Variants in EREG observed in about 807,000 individuals in gnomAD.
EREG encodes proepiregulin.
In EREG, 23 loss-of-function variants were observed where a neutral mutation model predicts 22.4. That is an observed-to-expected ratio of 1.03 (90% confidence interval 0.74 to 1.46). The LOEUF (loss-of-function observed/expected upper bound fraction) is 1.46. EREG is among the 40% of genes most tolerant of loss of function. The pLI, the probability that EREG is intolerant of heterozygous loss-of-function variation, is 0.00. For missense variants in EREG, 226 were observed against 205.9 expected (o/e 1.10, Z -0.60); for synonymous variants, 100 against 75.4 (o/e 1.33, Z -1.69).
intron 1 of EREG, among the ~76,000 whole-genome samples, chr4:74,368,415 T>A (rs1752226912): frequency 6.6e-6 from 1 of 152,200 alleles, no homozygotes; most frequent in African/African-American, 2.4e-5. Flanking sequence ...AGTAAAGCAA[T>A]AAAGAGGGTA....
Position 74,379,517 on chromosome 4 carries a change from A to T in EREG, c.137A>T (p.Asp46Val), listed in dbSNP as rs1752439640. Reference sequence around the variant, plus strand: ...TCATGTATCCCAGGAGAGTCCAGTGATAACTGCACAGCTTTAGGTAAGCCC... The same window carrying T: ...TCATGTATCCCAGGAGAGTCCAGTGTTAACTGCACAGCTTTAGGTAAGCCC... The part of the protein sequence containing the change: ...IPSCIPGESS[D>V]NCTALVQTED... The change falls in exon 2 of 5, where the codon GAT (aspartate) becomes GTT (valine). Residue 46 changes from aspartate (D) to valine (V), a missense_variant. Coordinates refer to ENST00000244869, the MANE Select transcript of EREG (RefSeq NM_001432.3). 1.2e-6 allele frequency: 2 copies of T among 1,607,736 alleles called. No homozygotes were observed. The highest frequency in any genetic ancestry group is 1.7e-6 in the Non-Finnish European group (2 of 1,174,196).
rs747293062 is a variant in EREG, at chr4:74,384,763, A to G, written c.465A>G (p.Glu155=). ...RNRKSKEPKK[E]YERVTSGDPE... ...GAAAAAGTAAAGAACCAAAGAAGGAATATGAGAGAGTTACCTCAGGGGATC... is the reference window on the plus strand; with the variant it reads ...GAAAAAGTAAAGAACCAAAGAAGGAGTATGAGAGAGTTACCTCAGGGGATC... Residue 155 remains glutamate (E), a synonymous_variant, in exon 5 of 5, where the codon GAA becomes GAG. Transcript: ENST00000244869. The G allele has an allele frequency of 1.2e-6, 2 of 1,613,314 alleles. No homozygotes were observed. The highest frequency in any genetic ancestry group is 1.7e-6 in the Non-Finnish European group (2 of 1,179,400).
intron 1 of EREG, among the ~76,000 whole-genome samples, chr4:74,378,073 T>C (rs1168136655): frequency 6.6e-6 from 1 of 152,216 alleles, no homozygotes; most frequent in East Asian, 1.9e-4. Context: ...AATCATCCTT[T>C]CATAACAGTT....
chr4:74,386,454 A>G lies in EREG; in HGVS notation c.*1646A>G, dbSNP rs1473105825. 6.6e-6 allele frequency: 1 copy of G among 152,200 alleles called. No individual in the cohort carries two copies. 9.4% of individuals were successfully genotyped at this position (152,200 alleles called of 1,614,324 possible). ...TAAACAGACAAAAACAAGTAAATAT[A>G]TATGGTCATATACATATTGTATATA... On this transcript the variant is annotated 3_prime_UTR_variant, in exon 5 of 5. Transcript: ENST00000244869.
chr4:74,370,053 G>A (rs1752264005), intron 1 of EREG, among the ~76,000 whole-genome samples: 1 of 152,176 alleles, frequency 6.6e-6, no homozygotes. Flanking sequence ...CAGCATGTAA[G>A]GCTTTGGGTT....
chr4:74,377,744 A>T (rs1035570843), intron 1 of EREG, among the ~76,000 whole-genome samples: 2 of 152,234 alleles, frequency 1.3e-5, no homozygotes, highest in Non-Finnish European at 2.9e-5. Flanking sequence ...ACAAGGTGGC[A>T]GGAGAGAGAG....
rs1226108030 is a variant in EREG at position 74,384,895 on chromosome 4, T to A, written c.*87T>A. ...TTTTATTAATAATATTTATGTTGGG[T>A]CAAGTGTTAGGTCAATAACACTGTA... is the stretch of plus-strand genomic sequence containing the variant. On this transcript the variant is annotated 3_prime_UTR_variant, in exon 5 of 5. Transcript: ENST00000244869. 20 of 781,698 alleles carry A rather than the reference T, an allele frequency of 2.6e-5. No homozygotes were observed. Among genetic ancestry groups the A allele is most frequent in the Non-Finnish European group, 4.3e-5 (20 of 468,074 alleles). The allele number at this position is 781,698 out of a possible 1,614,324, so 48.4% of individuals were successfully genotyped here.
chr4:74,365,235 C>T lies in EREG; in HGVS notation c.-74C>T. 8.1e-7 allele frequency: 1 copy of T among 1,229,718 alleles called. No homozygotes were observed. The highest frequency in any genetic ancestry group is 1.2e-6 in the Non-Finnish European group (1 of 854,486). 76.2% of individuals were successfully genotyped at this position (1,229,718 alleles called of 1,614,324 possible). On this transcript the variant is annotated 5_prime_UTR_variant, in exon 1 of 5. Transcript: ENST00000244869. ...CGCTCTCCAGCCACTGCCGCGAGCCCGTCTGCTCCCGCCCTGCCCGTGCAC... is the reference window on the plus strand; with the variant it reads ...CGCTCTCCAGCCACTGCCGCGAGCCTGTCTGCTCCCGCCCTGCCCGTGCAC...
At chr4:74,368,320 C>G (rs1255604731) in intron 1 of EREG, among the ~76,000 whole-genome samples, 1 of 152,142 alleles carries the variant, frequency 6.6e-6, no homozygotes, top group Non-Finnish European at 1.5e-5. Flanking sequence ...ACACAGTTCC[C>G]CTAAGATATG....
At chr4:74,371,605 C>T (rs1471455648) in intron 1 of EREG, among the ~76,000 whole-genome samples, 2 of 152,200 alleles carry the variant, frequency 1.3e-5, no homozygotes, top group African/African-American at 4.8e-5. Flanking sequence ...TTCCTTGGAA[C>T]ATATAAATGT....
intron 1 of EREG, among the ~76,000 whole-genome samples, chr4:74,372,796 T>A (rs1752312103): frequency 7.5e-6 from 1 of 133,098 alleles, no homozygotes. Flanking sequence ...TTAATTTAAA[T>A]TGTACTTTTT....
intron 1 of EREG, among the ~76,000 whole-genome samples, chr4:74,378,622 G>A (rs772355336): frequency 6.6e-6 from 1 of 152,056 alleles, no homozygotes; most frequent in Non-Finnish European, 1.5e-5. Flanking sequence ...TAAATAAATT[G>A]GAAAGAGTGT....
chr4:74,379,005 G>T (rs1752430035), intron 1 of EREG, among the ~76,000 whole-genome samples: 1 of 152,090 alleles, frequency 6.6e-6, no homozygotes, highest in Admixed American at 6.5e-5. Flanking sequence ...AATAATGAAT[G>T]TTTCTTAGGT....
chr4:74,375,485 AT>A (rs34399498), intron 1 of EREG, among the ~76,000 whole-genome samples: 92,098 of 133,110 alleles, frequency 0.69, 32,058 homozygotes, highest in Admixed American at 0.75. Context: ...TGCCTGGCTA[AT>A]TTTTTTTTTT....
Position 74,385,044 on chromosome 4 carries a change from C to T in EREG, c.*236C>T. 2.6e-6 allele frequency: 1 copy of T among 386,880 alleles called. No homozygotes were observed. The highest frequency in any genetic ancestry group is 4.7e-6 in the Non-Finnish European group (1 of 214,848). The allele number at this position is 386,880 out of a possible 1,614,324, so 24.0% of individuals were successfully genotyped here. ...TTGATATTTTTATACAAGTAATTTC[C>T]TGAGCTAAATGCTTCATTGAAAGCT... On this transcript the variant is annotated 3_prime_UTR_variant, in exon 5 of 5. Transcript: ENST00000244869.
chr4:74,365,988 C>T (rs567285950), intron 1 of EREG, among the ~76,000 whole-genome samples: 2 of 152,100 alleles, frequency 1.3e-5, no homozygotes, highest in Non-Finnish European at 1.5e-5. Context: ...CACCGCCCTT[C>T]GCCCCTACAC....
chr4:74,382,994 A>T (rs1006363757), intron 4 of EREG, among the ~76,000 whole-genome samples, 200 bp downstream of exon 4: 59 of 152,256 alleles, frequency 3.9e-4, no homozygotes, highest in Non-Finnish European at 4.7e-4. Context: ...TAATCTCAGC[A>T]TCATACAATA....
At chr4:74,377,350 C>T (rs1752399616) in intron 1 of EREG, among the ~76,000 whole-genome samples, 1 of 152,088 alleles carries the variant, frequency 6.6e-6, no homozygotes, top group Non-Finnish European at 1.5e-5. Flanking sequence ...ACTTCAATTA[C>T]AGCTATCATA....
intron 4 of EREG, among the ~76,000 whole-genome samples, 166 bp from the exon 5 acceptor site, chr4:74,384,561 T>C (rs1752536632): frequency 7.9e-6 from 1 of 126,010 alleles, no homozygotes; most frequent in Non-Finnish European, 1.6e-5. Flanking sequence ...ACATCACCTC[T>C]TCATCCCTCT....
Sources: gnomAD v4.1 joint callset for allele counts (sites outside exome capture counted in the v4.1 genomes callset) on GRCh38, gnomAD v4.1.1 for gene constraint, MANE v1.5 for transcripts, NCBI Gene and HGNC (gene_info 2026-07-23, HGNC 2026-07-21) for gene names.